The following GRIN2A variants were observed in gnomAD, a reference collection of about 807,000 sequenced individuals.
GRIN2A encodes glutamate ionotropic receptor NMDA type subunit 2A.
Under a neutral mutation model 113.4 loss-of-function variants are expected in GRIN2A, and 22 were observed. The observed-to-expected ratio is 0.19, with a 90% CI of 0.14 to 0.28. The LOEUF is 0.28. Among genes scored for constraint, GRIN2A ranks in the 10% least tolerant of loss-of-function variants. The pLI is 1.00. For synonymous variants in GRIN2A, 827 were observed against 738.4 expected (o/e 1.12, Z -1.94); for missense variants, 1,502 against 1,887.0 (o/e 0.80, Z 3.78).
chr16:9,760,658 T>C lies in GRIN2A; in HGVS notation c.*2491A>G, dbSNP rs1262540746. 4.4e-6 allele frequency: 1 copy of C among 225,626 alleles called. No homozygotes were observed. The highest frequency in any genetic ancestry group is 2.2e-5 in the African/African-American group (1 of 44,920). The allele number at this position is 225,626 out of a possible 1,614,324, so 14.0% of individuals were successfully genotyped here. ...TTCTGACCGATGAAGTCAGTCCAAG[T>C]ATAACTCTCACTCTCCCTGGAGGTC... On this transcript the variant is annotated 3_prime_UTR_variant, in exon 13 of 13. Transcript: ENST00000330684.
intron 11 of GRIN2A, among the ~76,000 whole-genome samples, chr16:9,784,462 C>CA (rs796182471): frequency 6.9e-6 from 1 of 144,886 alleles, no homozygotes; most frequent in Non-Finnish European, 1.5e-5. Flanking sequence ...AACAAACAAA[C>CA]AAAAAACCTA....
At chr16:10,072,350 C>T (rs1263108830) in intron 2 of GRIN2A, among the ~76,000 whole-genome samples, 1 of 152,180 alleles carries the variant, frequency 6.6e-6, no homozygotes, top group Non-Finnish European at 1.5e-5. Context: ...ATCCAGCTGA[C>T]CTGTGTGGGT....
intron 2 of GRIN2A, among the ~76,000 whole-genome samples, chr16:10,084,762 T>TTATTTATTTATTTATG: frequency 6.6e-6 from 1 of 152,032 alleles, no homozygotes; most frequent in East Asian, 1.9e-4. Flanking sequence ...ATTTATTTAT[T>TTATTTATTTATTTATG]TATTTATTTT....
chr16:9,833,822 C>T (rs897767342), intron 8 of GRIN2A, among the ~76,000 whole-genome samples: 9 of 152,124 alleles, frequency 5.9e-5, no homozygotes, highest in African/African-American at 1.7e-4. Context: ...TGGTTTTAAG[C>T]GATTCTCCTG....
chr16:9,827,777 G>C (rs2042413438), intron 9 of GRIN2A, among the ~76,000 whole-genome samples: 1 of 152,160 alleles, frequency 6.6e-6, no homozygotes, highest in African/African-American at 2.4e-5. Flanking sequence ...ACAGTGTCCA[G>C]TATACCATGC....
chr16:10,165,699 GA>G (rs2049904376), intron 2 of GRIN2A, among the ~76,000 whole-genome samples: 1 of 8,004 alleles, frequency 1.2e-4, no homozygotes, highest in Admixed American at 1.9e-3. Context: ...GGGGAGGGGA[GA>G]AAGGAGGGGA....
At chr16:10,111,969 G>A (rs948636510) in intron 2 of GRIN2A, 4 of 700,590 alleles carry the variant, frequency 5.7e-6, no homozygotes, top group Admixed American at 3.9e-5. Flanking sequence ...CATTGAAACA[G>A]GCAAATGAGA....
chr16:10,060,114 G>A (rs1296551453), intron 2 of GRIN2A, among the ~76,000 whole-genome samples: 2 of 152,096 alleles, frequency 1.3e-5, no homozygotes, highest in East Asian at 1.9e-4. Flanking sequence ...CCAAGGAAGA[G>A]GAAGTGAGGG....
chr16:10,106,039 AAAG>A (rs1270222090), intron 2 of GRIN2A, among the ~76,000 whole-genome samples: 1 of 152,240 alleles, frequency 6.6e-6, no homozygotes, highest in African/African-American at 2.4e-5. Context: ...AGCTATGTTA[AAAG>A]AAGTTTTTTG....
chr16:9,845,067 T>A (rs1023360734), intron 5 of GRIN2A, among the ~76,000 whole-genome samples: 1 of 152,164 alleles, frequency 6.6e-6, no homozygotes. Context: ...TCTTCTTTAA[T>A]GTTGGGATTA....
chr16:9,979,335 T>C (rs2045838559), intron 2 of GRIN2A, among the ~76,000 whole-genome samples: 1 of 152,172 alleles, frequency 6.6e-6, no homozygotes, highest in Non-Finnish European at 1.5e-5. Flanking sequence ...ACTCTCCATC[T>C]TTCTCATTTT....
chr16:10,109,533 T>C (rs1263141501), intron 2 of GRIN2A, among the ~76,000 whole-genome samples: 1 of 150,258 alleles, frequency 6.7e-6, no homozygotes, highest in Non-Finnish European at 1.5e-5. Context: ...TATGAGCAGA[T>C]CAAATAGAAA....
intron 8 of GRIN2A, among the ~76,000 whole-genome samples, chr16:9,833,598 G>T (rs1478649661): frequency 2.0e-5 from 3 of 152,172 alleles, no homozygotes; most frequent in African/African-American, 7.2e-5. Context: ...GTTATGACAA[G>T]ATTAAAATAT....
intron 4 of GRIN2A, among the ~76,000 whole-genome samples, chr16:9,867,299 T>C (rs2043176884): frequency 6.6e-6 from 1 of 152,144 alleles, no homozygotes; most frequent in African/African-American, 2.4e-5. Context: ...CCTAATTGCA[T>C]CTCTCCCATT....
intron 2 of GRIN2A, among the ~76,000 whole-genome samples, chr16:10,163,998 A>C (rs897511425): frequency 2.6e-5 from 4 of 152,242 alleles, no homozygotes; most frequent in African/African-American, 9.6e-5. Flanking sequence ...TTTATGGCTT[A>C]AGGCAACCTA....
Position 9,764,186 on chromosome 16 carries a change from T to A in GRIN2A, c.3358A>T (p.Ile1120Leu), listed in dbSNP as rs2141133085. Residue 1120 changes from isoleucine to leucine, a missense_variant, in exon 13 of 13, where the codon ATA (isoleucine) becomes TTA (leucine). This residue lies in a region of GRIN2A where 832 missense variants were observed against 789.7 expected (regional missense o/e 1.05). Coordinates refer to ENST00000330684, the MANE Select transcript of GRIN2A (RefSeq NM_001134407.3). Reference sequence around the variant, plus strand: ...AAACCAGGCTCCTTCTCACCATCTATAGTGTAGATCTTGTCTCTAGGGGAG... The same window carrying A: ...AAACCAGGCTCCTTCTCACCATCTAAAGTGTAGATCTTGTCTCTAGGGGAG... ...SSSPRDKIYTIDGEKEPGFHL... is the reference protein window; with the variant it reads ...SSSPRDKIYTLDGEKEPGFHL... The A allele has an allele frequency of 6.2e-7, 1 of 1,613,652 alleles. No individual in the cohort carries two copies. Among genetic ancestry groups the A allele is most frequent in the Non-Finnish European group, 8.5e-7 (1 of 1,179,726 alleles).
intron 2 of GRIN2A, among the ~76,000 whole-genome samples, chr16:9,958,064 T>G (rs540386261): frequency 3.2e-4 from 48 of 152,220 alleles, no homozygotes; most frequent in Non-Finnish European, 5.6e-4. Flanking sequence ...ATCTCCAAGC[T>G]GGGTGACTAT....
intron 2 of GRIN2A, among the ~76,000 whole-genome samples, chr16:10,122,638 A>C (rs923664971): frequency 2.0e-5 from 3 of 152,200 alleles, no homozygotes; most frequent in Non-Finnish European, 4.4e-5. Flanking sequence ...AATTTTAAAA[A>C]AGGAATTAGA....
chr16:10,073,562 A>C (rs1233814490), intron 2 of GRIN2A, among the ~76,000 whole-genome samples: 1 of 152,166 alleles, frequency 6.6e-6, no homozygotes. Context: ...AGAAATTCCT[A>C]ATCTACCGTG....
Sources: allele counts gnomAD v4.1 joint callset (sites outside exome capture counted in the v4.1 genomes callset), GRCh38; gene constraint gnomAD v4.1.1; regional missense constraint gnomAD v4.1.1; transcripts MANE v1.5; gene names NCBI Gene and HGNC (gene_info 2026-07-23, HGNC 2026-07-21).